COL10A1: variants seen among roughly 807,000 people sequenced by gnomAD.
COL10A1 encodes the protein collagen type X alpha 1 chain, also known as collagen alpha-1(X) chain.
A neutral mutation model predicts 18.2 loss-of-function variants in COL10A1; 10 were observed. The ratio of observed to expected loss-of-function variants is 0.55; its 90% CI spans 0.34 to 0.93. The LOEUF (loss-of-function observed/expected upper bound fraction) is 0.93, where lower values mean the gene tolerates loss of function less well. Among genes scored for constraint, COL10A1 ranks in the 40% least tolerant of loss-of-function variants. The pLI, the probability that COL10A1 is intolerant of heterozygous loss-of-function variation, is 0.02. For missense variants in COL10A1, 897 were observed against 853.5 expected, an observed-to-expected ratio of 1.05 and a Z score of -0.64; for synonymous variants, 330 against 316.6, an observed-to-expected ratio of 1.04 and a Z score of -0.45.
At chr6:116,154,889 A>G (rs1780145228) in intron 1 of COL10A1, among the ~76,000 whole-genome samples, 1 of 152,170 alleles carries the variant, frequency 6.6e-6, no homozygotes, top group African/African-American at 2.4e-5. Context: ...TTTTAATATC[A>G]TTTTTCTTCA....
At chr6:116,163,748 A>G in the COL10A1 span, among the ~76,000 whole-genome samples, 1 of 152,168 alleles carries the variant, frequency 6.6e-6, no homozygotes, top group African/African-American at 2.4e-5. Flanking sequence ...TTATGAATTT[A>G]GTACTATGAA....
At chr6:116,125,240 G>GT in intron 2 of COL10A1, 99 bp downstream of exon 2, 1 of 1,391,494 alleles carries the variant, frequency 7.2e-7, no homozygotes, top group Non-Finnish European at 9.9e-7. Context: ...AAGTTGGAAA[G>GT]TAACACCAAA....
At chr6:116,173,557 C>T in the COL10A1 span, among the ~76,000 whole-genome samples, 51 of 152,102 alleles carry the variant, frequency 3.4e-4, no homozygotes, top group Middle Eastern at 3.4e-3. Context: ...TAAAGCTGAG[C>T]GAGGGCGAGT....
At chr6:116,135,067 A>C (rs1779556448) in intron 1 of COL10A1, among the ~76,000 whole-genome samples, 1 of 152,180 alleles carries the variant, frequency 6.6e-6, no homozygotes, top group Non-Finnish European at 1.5e-5. Context: ...TTATTGATAC[A>C]TTGATTTATT....
the COL10A1 span, among the ~76,000 whole-genome samples, chr6:116,168,628 ATTGT>A: frequency 2.7e-5 from 4 of 148,132 alleles, no homozygotes; most frequent in South Asian, 2.1e-4. Context: ...CCTTTTTTTG[ATTGT>A]TTGTTTTGTT....
upstream of COL10A1, among the ~76,000 whole-genome samples, chr6:116,163,137 A>ATATATATAT (rs1554197055): frequency 8.7e-4 from 92 of 105,356 alleles, 1 homozygote; most frequent in Middle Eastern, 4.9e-3. Context: ...AAAAAAAAAA[A>ATATATATAT]AAAAATATAT....
chr6:116,200,450 A>G, the COL10A1 span, among the ~76,000 whole-genome samples: 1 of 152,074 alleles, frequency 6.6e-6, no homozygotes, highest in African/African-American at 2.4e-5. Context: ...CAAATGTACC[A>G]TAATATTGAA....
intron 1 of COL10A1, among the ~76,000 whole-genome samples, chr6:116,149,708 G>T (rs1357452573): frequency 1.3e-5 from 2 of 152,212 alleles, no homozygotes; most frequent in African/African-American, 2.4e-5. Flanking sequence ...CACCAAATCA[G>T]TTTAGAGATT....
the COL10A1 span, among the ~76,000 whole-genome samples, chr6:116,215,771 C>T: frequency 6.6e-6 from 1 of 152,052 alleles, no homozygotes; most frequent in Non-Finnish European, 1.5e-5. Context: ...CAAGTGCAGA[C>T]AATATGGCGT....
chr6:116,140,191 A>G (rs1270468308), intron 1 of COL10A1, among the ~76,000 whole-genome samples: 2 of 152,128 alleles, frequency 1.3e-5, no homozygotes, highest in African/African-American at 4.8e-5. Context: ...GGTATTTTCA[A>G]GTATTCCTCT....
At chr6:116,145,925 ACT>A (rs763370335) in intron 1 of COL10A1, among the ~76,000 whole-genome samples, 1 of 152,076 alleles carries the variant, frequency 6.6e-6, no homozygotes, top group Non-Finnish European at 1.5e-5. Flanking sequence ...GTCTTTGGTA[ACT>A]CTTTCAATTT....
At chr6:116,213,604 A>G in the COL10A1 span, among the ~76,000 whole-genome samples, 1 of 152,090 alleles carries the variant, frequency 6.6e-6, no homozygotes, top group Admixed American at 6.6e-5. Flanking sequence ...CATCTTGGAA[A>G]CTCAATCCAC....
At chr6:116,151,910 T>A (rs1271129928) in intron 1 of COL10A1, among the ~76,000 whole-genome samples, 5 of 152,198 alleles carry the variant, frequency 3.3e-5, no homozygotes, top group Non-Finnish European at 7.4e-5. Context: ...TGCATTTATT[T>A]TGGCTTCTGA....
intron 1 of COL10A1, among the ~76,000 whole-genome samples, chr6:116,142,883 T>A (rs1469792451): frequency 6.6e-6 from 1 of 152,204 alleles, no homozygotes; most frequent in Non-Finnish European, 1.5e-5. Context: ...TTCACATATA[T>A]GTCAGTCTGA....
At chr6:116,185,441 T>G in the COL10A1 span, among the ~76,000 whole-genome samples, 2 of 152,208 alleles carry the variant, frequency 1.3e-5, no homozygotes, top group Admixed American at 1.3e-4. Flanking sequence ...TGATGGCCTG[T>G]CTAATGCTGT....
chr6:116,186,161 G>C, the COL10A1 span, among the ~76,000 whole-genome samples: 14 of 151,794 alleles, frequency 9.2e-5, no homozygotes, highest in Non-Finnish European at 1.9e-4. Context: ...ATTCTTATAT[G>C]ATAATTATTT....
upstream of COL10A1, among the ~76,000 whole-genome samples, chr6:116,127,525 G>A: frequency 6.6e-6 from 1 of 152,208 alleles, no homozygotes; most frequent in African/African-American, 2.4e-5. Flanking sequence ...ATATGGAATA[G>A]CTTTTGTAAT....
At chr6:116,189,557 A>G in the COL10A1 span, among the ~76,000 whole-genome samples, 67 of 152,102 alleles carry the variant, frequency 4.4e-4, no homozygotes, top group African/African-American at 1.6e-3. Context: ...ATTGGATGAC[A>G]TTGAGTTGTG....
At position 116,120,636 on chromosome 6, in the gene COL10A1, G is replaced by A; in HGVS notation, c.1480C>T (p.Pro494Ser). ...GLNGPTGPPG[P>S]PGPRGHSGEP... ...CCAGAGTGGCCTCTTGGACCTGGAG[G>A]CCCTGGTGGCCCGGTGGGTCCATTG... Residue 494 changes from proline to serine, a missense_variant, in exon 3 of 3, where the codon CCT (proline) becomes TCT (serine). By Grantham distance (74) the Pro-to-Ser change is moderately conservative. Coordinates refer to ENST00000651968, the MANE Select transcript of COL10A1 (RefSeq NM_000493.4). 2 of 1,550,532 alleles carry A rather than the reference G, an allele frequency of 1.3e-6. No individual in the cohort carries two copies.
Sources: allele counts gnomAD v4.1 joint callset (sites outside exome capture counted in the v4.1 genomes callset), GRCh38; gene constraint gnomAD v4.1.1; transcripts MANE v1.5; gene names NCBI Gene and HGNC (gene_info 2026-07-23, HGNC 2026-07-21).